Variants in NEK1 observed in about 807,000 individuals in gnomAD.
NEK1 encodes NIMA related kinase 1.
In NEK1, 137 loss-of-function variants were observed where a neutral mutation model predicts 182.1. The ratio of observed to expected loss-of-function variants is 0.75; its 90% CI spans 0.65 to 0.87. NEK1 has a LOEUF of 0.87. Among genes scored for constraint, NEK1 ranks in the 40% least tolerant of loss-of-function variants. The probability of loss-of-function intolerance (pLI) is 0.00; values close to 1 mark genes in which losing one functional copy is unlikely to be tolerated. For missense variants in NEK1, 1,391 were observed against 1,494.4 expected, an observed-to-expected ratio of 0.93 and a Z score of 1.14; for synonymous variants, 513 against 492.2, an observed-to-expected ratio of 1.04 and a Z score of -0.56.
chr4:169,529,579 A>T (rs1757379947), intron 19 of NEK1, among the ~76,000 whole-genome samples: 1 of 152,178 alleles, frequency 6.6e-6, no homozygotes, highest in Non-Finnish European at 1.5e-5. Flanking sequence ...GACAAACTGG[A>T]CTTCATCAAA....
chr4:169,399,481 G>A (rs1292738492), intron 35 of NEK1, among the ~76,000 whole-genome samples: 1 of 151,918 alleles, frequency 6.6e-6, no homozygotes, highest in Non-Finnish European at 1.5e-5. Context: ...GGAGGCTGAG[G>A]CAGGAGAATC....
rs997165654 is a variant in NEK1 at position 169,555,805 on chromosome 4, C to G, written c.1477G>C (p.Gly493Arg). 21 of 1,613,756 alleles carry G rather than the reference C, an allele frequency of 1.3e-5. No individual in the cohort carries two copies. The highest frequency in any genetic ancestry group is 1.4e-5 in the Non-Finnish European group (16 of 1,179,818). ...VRPGFPYGAA[G>R]HHHFPDADDI... ...TCAGCATCAGGAAAATGGTGATGAC[C>G]TGCAGCCCCATAAGGAAATCCTGGA... The change falls in exon 18 of 36, where the codon GGT becomes CGT. Residue 493 changes from glycine to arginine, a missense_variant. Transcript: ENST00000507142.
At chr4:169,508,406 T>A (rs1263552977) in intron 20 of NEK1, 75 bp from the exon 21 acceptor site, 5 of 1,227,986 alleles carry the variant, frequency 4.1e-6, no homozygotes, top group African/African-American at 3.2e-5. Flanking sequence ...AGATTTTTTT[T>A]AAATTTAAGG....
At chr4:169,479,670 A>G (rs1483061560) in intron 23 of NEK1, 136 bp from the exon 24 acceptor site, 2 of 701,330 alleles carry the variant, frequency 2.9e-6, no homozygotes, top group Admixed American at 6.7e-5. Flanking sequence ...CTGTTGAGCA[A>G]GGCATTATGA....
intron 27 of NEK1, among the ~76,000 whole-genome samples, chr4:169,462,745 C>A (rs1190186280): frequency 6.6e-6 from 1 of 152,112 alleles, no homozygotes; most frequent in African/African-American, 2.4e-5. Context: ...TCTGAAAATA[C>A]CTGTTTCATA....
intron 19 of NEK1, 68 bp downstream of exon 19, chr4:169,537,741 A>C: frequency 2.6e-6 from 3 of 1,156,602 alleles, no homozygotes; most frequent in Non-Finnish European, 3.9e-6. Flanking sequence ...ACTTACACTT[A>C]CCTTATTCCA....
At chr4:169,602,422 T>A in intron 3 of NEK1, 92 bp downstream of exon 3, 5 of 762,200 alleles carry the variant, frequency 6.6e-6, no homozygotes, top group Non-Finnish European at 1.1e-5. Flanking sequence ...AGGTTATCGA[T>A]TACTTTTTTT....
intron 31 of NEK1, among the ~76,000 whole-genome samples, chr4:169,416,400 A>G (rs758818546): frequency 2.6e-5 from 4 of 152,254 alleles, no homozygotes; most frequent in Admixed American, 6.5e-5. Flanking sequence ...CGTGTGGTAG[A>G]TAAGATTTAC....
At chr4:169,596,127 T>C (rs372259340) in intron 5 of NEK1, among the ~76,000 whole-genome samples, 10 of 152,106 alleles carry the variant, frequency 6.6e-5, no homozygotes, top group African/African-American at 1.2e-4. Context: ...CAGGTGAAAT[T>C]TGGTAGAGAA....
In NEK1 at chr4:169,401,639, T is replaced by G. The variant is rs1731706175; in HGVS notation, c.3583+13A>C. 2 of 1,609,404 alleles carry G rather than the reference T, an allele frequency of 1.2e-6. No homozygotes were observed. Reference sequence around the variant, plus strand: ...ACTGAAAAAGAAAAAGGTCCAAAACTCTGATCATGCACCTGAGTGCCATTC... The same window carrying G: ...ACTGAAAAAGAAAAAGGTCCAAAACGCTGATCATGCACCTGAGTGCCATTC... On this transcript the variant is annotated intron_variant, in intron 33 of 35. Transcript: ENST00000507142.
chr4:169,426,313 T>C (rs1736383250), intron 29 of NEK1, 79 bp from the exon 30 acceptor site: 2 of 1,143,770 alleles, frequency 1.7e-6, no homozygotes, highest in Non-Finnish European at 2.6e-6. Context: ...ATACAGGAAA[T>C]GGAACACAAG....
At chr4:169,578,034 T>C (rs1472925393) in intron 11 of NEK1, among the ~76,000 whole-genome samples, 5 of 152,132 alleles carry the variant, frequency 3.3e-5, no homozygotes, top group African/African-American at 4.8e-5. Flanking sequence ...GAGAGCAATC[T>C]ATATTAAGAA....
At position 169,602,045 on chromosome 4, in the gene NEK1, C is replaced by T. The variant is rs745791200; in HGVS notation, c.177G>A (p.Lys59=). 2 of 1,613,232 alleles carry T rather than the reference C, an allele frequency of 1.2e-6. No homozygotes were observed. The highest frequency in any genetic ancestry group is 3.3e-5 in the Admixed American group (2 of 60,014). Residue 59 remains lysine (K), a synonymous_variant, in exon 4 of 36, where the codon AAG becomes AAA. Transcript: ENST00000507142. ...CTCTATACTGGACAATATTTGGATGCTTCATGTTTGCCAATACTGCAACTT... is the reference window on the plus strand; with the variant it reads ...CTCTATACTGGACAATATTTGGATGTTTCATGTTTGCCAATACTGCAACTT... ...RREVAVLANM[K]HPNIVQYRES...
chr4:169,534,774 T>C (rs991109860), intron 19 of NEK1, among the ~76,000 whole-genome samples: 3 of 151,922 alleles, frequency 2.0e-5, no homozygotes, highest in African/African-American at 7.3e-5. Flanking sequence ...CAGAAAAAAG[T>C]CCACAAATAT....
chr4:169,596,610 G>A (rs1769537217), intron 5 of NEK1, among the ~76,000 whole-genome samples: 1 of 152,142 alleles, frequency 6.6e-6, no homozygotes, highest in Non-Finnish European at 1.5e-5. Flanking sequence ...CAAACAGGAA[G>A]TATCACTGAA....
chr4:169,575,186 C>A (rs1765501851), intron 12 of NEK1, among the ~76,000 whole-genome samples: 1 of 152,132 alleles, frequency 6.6e-6, no homozygotes, highest in African/African-American at 2.4e-5. Flanking sequence ...GGAATTGGCC[C>A]ACTTAGGTTT....
At chr4:169,455,523 C>T (rs138869214) in intron 27 of NEK1, among the ~76,000 whole-genome samples, 175 of 152,112 alleles carry the variant, frequency 1.2e-3, no homozygotes, top group African/African-American at 3.6e-3. Flanking sequence ...ATACAAATAA[C>T]GTCATTATAT....
intron 29 of NEK1, among the ~76,000 whole-genome samples, 159 bp downstream of exon 29, chr4:169,433,386 A>G (rs546800238): frequency 1.2e-4 from 19 of 152,272 alleles, no homozygotes; most frequent in Non-Finnish European, 2.6e-4. Flanking sequence ...ATACTTGTTT[A>G]TTTCTGAACC....
At chr4:169,610,319 TTTC>T (rs1407333724) in intron 2 of NEK1, among the ~76,000 whole-genome samples, 180 of 151,790 alleles carry the variant, frequency 1.2e-3, no homozygotes, top group African/African-American at 4.3e-3. Context: ...TCTTTCTTTT[TTTC>T]TTTTTTCTTT....
Sources: gnomAD v4.1 joint callset for allele counts (sites outside exome capture counted in the v4.1 genomes callset) on GRCh38, gnomAD v4.1.1 for gene constraint, MANE v1.5 for transcripts, NCBI Gene and HGNC (gene_info 2026-07-23, HGNC 2026-07-21) for gene names.